Variants in PDE1C observed in about 807,000 individuals in gnomAD.
PDE1C encodes phosphodiesterase 1C.
In PDE1C, 62 loss-of-function variants were observed where a neutral mutation model predicts 93.1. The ratio of observed to expected loss-of-function variants is 0.67; its 90% CI spans 0.54 to 0.82. The LOEUF (loss-of-function observed/expected upper bound fraction) is 0.82, where lower values mean the gene tolerates loss of function less well. Among genes scored for constraint, PDE1C ranks in the 40% least tolerant of loss-of-function variants. PDE1C has a pLI of 0.00. For missense variants in PDE1C, 742 were observed against 884.6 expected (o/e 0.84, Z 2.04); for synonymous variants, 325 against 310.1 (o/e 1.05, Z -0.50).
At chr7:32,338,360 A>T (rs751833782) in intron 1 of PDE1C, among the ~76,000 whole-genome samples, 8 of 152,224 alleles carry the variant, frequency 5.3e-5, no homozygotes, top group Non-Finnish European at 8.8e-5. Flanking sequence ...ATGGTCAACA[A>T]GCACATGAAA....
intron 2 of PDE1C, among the ~76,000 whole-genome samples, chr7:32,173,789 G>T (rs762254131): frequency 9.9e-5 from 15 of 152,176 alleles, no homozygotes; most frequent in Non-Finnish European, 1.9e-4. Context: ...ACCCTGGCTT[G>T]TTGTGCCAGA....
intron 2 of PDE1C, among the ~76,000 whole-genome samples, chr7:31,988,717 C>T (rs1250018330): frequency 3.9e-5 from 6 of 152,130 alleles, no homozygotes; most frequent in Admixed American, 3.9e-4. Context: ...TAAATACAGG[C>T]TTGGCACAGT....
intron 2 of PDE1C, among the ~76,000 whole-genome samples, chr7:31,962,131 G>A (rs1563104649): frequency 6.6e-6 from 1 of 152,180 alleles, no homozygotes; most frequent in Non-Finnish European, 1.5e-5. Context: ...TTCTCCAATA[G>A]TACAAAAATG....
chr7:31,647,725 C>T, the PDE1C span, among the ~76,000 whole-genome samples: 8 of 145,670 alleles, frequency 5.5e-5, no homozygotes, highest in Non-Finnish European at 9.0e-5. Context: ...ATGACGACAA[C>T]GACGACGACA....
chr7:31,637,988 T>C, the PDE1C span, among the ~76,000 whole-genome samples: 1 of 152,326 alleles, frequency 6.6e-6, no homozygotes, highest in South Asian at 2.1e-4. Flanking sequence ...ATTTATTAAA[T>C]AGGGAATCAG....
intron 2 of PDE1C, among the ~76,000 whole-genome samples, chr7:31,909,913 C>T (rs1266393961): frequency 6.6e-6 from 1 of 152,118 alleles, no homozygotes; most frequent in Non-Finnish European, 1.5e-5. Context: ...TGGGGGCTGT[C>T]CCATGCAGTG....
chr7:32,084,686 G>A (rs1012093811), intron 3 of PDE1C, among the ~76,000 whole-genome samples: 57 of 145,780 alleles, frequency 3.9e-4, no homozygotes, highest in African/African-American at 1.4e-3. Flanking sequence ...CTAGAACTCA[G>A]GATTAAGAAA....
intron 2 of PDE1C, among the ~76,000 whole-genome samples, chr7:31,896,838 GTTAA>G (rs375049370): frequency 7.7e-4 from 117 of 152,298 alleles, no homozygotes; most frequent in African/African-American, 2.7e-3. Flanking sequence ...TTGTCATGGT[GTTAA>G]TTGTCTTAAT....
chr7:32,062,686 A>G (rs764720784), intron 1 of PDE1C, among the ~76,000 whole-genome samples: 2 of 152,136 alleles, frequency 1.3e-5, no homozygotes, highest in Admixed American at 6.5e-5. Context: ...GTAGTAATTT[A>G]TGGAAGTATT....
intron 1 of PDE1C, among the ~76,000 whole-genome samples, chr7:32,395,905 C>A (rs1053721119): frequency 6.6e-6 from 1 of 152,210 alleles, no homozygotes; most frequent in South Asian, 2.1e-4. Context: ...TTTCTTCTTG[C>A]CTTCAAATTT....
chr7:32,326,204 T>A (rs1783400575), intron 1 of PDE1C, among the ~76,000 whole-genome samples: 1 of 152,222 alleles, frequency 6.6e-6, no homozygotes, highest in South Asian at 2.1e-4. Context: ...AAGGTCAAGC[T>A]GTCATTTAGA....
chr7:32,090,910 T>C (rs1390593361), intron 3 of PDE1C, among the ~76,000 whole-genome samples: 1 of 152,196 alleles, frequency 6.6e-6, no homozygotes, highest in Non-Finnish European at 1.5e-5. Context: ...TTTTTAGCAT[T>C]ACAAGAAAAT....
chr7:32,168,636 T>C (rs1027362891), intron 3 of PDE1C, among the ~76,000 whole-genome samples: 17 of 152,200 alleles, frequency 1.1e-4, no homozygotes, highest in Non-Finnish European at 1.9e-4. Flanking sequence ...GTGGGTTTTA[T>C]TTTATTCAAA....
At chr7:31,786,956 TCA>T (rs1784059260) in intron 16 of PDE1C, 1 of 97,792 alleles carries the variant, frequency 1.0e-5, no homozygotes, top group African/African-American at 5.7e-5. Context: ...TATCTATCTA[TCA>T]TCTATCTATC....
chr7:32,414,842 A>AT (rs368691197), intron 1 of PDE1C, among the ~76,000 whole-genome samples: 9,858 of 151,682 alleles, frequency 0.065, 813 homozygotes, highest in African/African-American at 0.19. Flanking sequence ...AAAAAAAAAA[A>AT]GCCTGTAAAA....
At chr7:31,943,354 C>T (rs767482708) in intron 2 of PDE1C, among the ~76,000 whole-genome samples, 22 of 152,182 alleles carry the variant, frequency 1.4e-4, no homozygotes, top group Non-Finnish European at 2.2e-4. Flanking sequence ...TCACTGCTCA[C>T]CAGACACCTG....
chr7:32,390,095 C>T (rs953548138), intron 1 of PDE1C, among the ~76,000 whole-genome samples: 23 of 152,062 alleles, frequency 1.5e-4, no homozygotes, highest in African/African-American at 5.3e-4. Context: ...ATATATTTTT[C>T]CCCTTTTTTC....
At chr7:32,125,467 C>A (rs62458880) in intron 3 of PDE1C, among the ~76,000 whole-genome samples, 30,872 of 152,000 alleles carry the variant, frequency 0.2, 3,783 homozygotes, top group Middle Eastern at 0.31. Flanking sequence ...TGGAACCAAC[C>A]CAAATGCCTA....
At chr7:32,170,364 AC>A (rs2128805114) in intron 2 of PDE1C, among the ~76,000 whole-genome samples, 1 of 152,234 alleles carries the variant, frequency 6.6e-6, no homozygotes, top group South Asian at 2.1e-4. Context: ...TTCTATGGAG[AC>A]ACCCACCCCA....
Sources: allele counts gnomAD v4.1 joint callset (sites outside exome capture counted in the v4.1 genomes callset), GRCh38; gene constraint gnomAD v4.1.1; transcripts MANE v1.5; gene names NCBI Gene and HGNC (gene_info 2026-07-23, HGNC 2026-07-21).